The following ZNF135 variants were observed in gnomAD, a reference collection of about 807,000 sequenced individuals.
ZNF135 encodes zinc finger protein 135.
ZNF135 carries 11 observed loss-of-function variants against 12.3 expected under a neutral mutation model. The ratio of observed to expected loss-of-function variants is 0.89; its 90% CI spans 0.56 to 1.48. The LOEUF (loss-of-function observed/expected upper bound fraction) is 1.48, where lower values mean the gene tolerates loss of function less well. ZNF135 is among the 40% of genes most tolerant of loss of function. The pLI is 0.00. For synonymous variants in ZNF135, 316 were observed against 312.0 expected, an observed-to-expected ratio of 1.01 and a Z score of -0.14; for missense variants, 722 against 815.7, an observed-to-expected ratio of 0.89 and a Z score of 1.40.
chr19:58,062,549 AT>A (rs35708367), intron 3 of ZNF135, among the ~76,000 whole-genome samples: 63,180 of 143,390 alleles, frequency 0.44, 14,202 homozygotes, highest in African/African-American at 0.56. Context: ...CGCCTGGCTA[AT>A]TTTTTTTTTT....
rs1469861081 is a variant in ZNF135 at position 58,060,438 on chromosome 19, TTG to T, written c.33+406_33+407del. The T allele has an allele frequency of 2.7e-6, 3 of 1,123,340 alleles. No homozygotes were observed. In the East Asian group the frequency reaches 2.2e-4, roughly 81 times the overall value. 69.6% of individuals were successfully genotyped at this position (1,123,340 alleles called of 1,614,324 possible). On this transcript the variant is annotated intron_variant, in intron 2 of 4. Transcript: ENST00000313434. This position sits in a 1 kb window ranked among gnomAD's most constrained non-coding sequence, Gnocchi z 4.9. ...GTCCCTGTCTGAGTGGGCTTTATGT[TTG>T]TGCGGCCGTCATTGCATACCTGAGG...
Position 58,060,028 on chromosome 19 carries a change from C to G in ZNF135, c.26C>G (p.Thr9Arg), listed in dbSNP as rs1359115634. 1.9e-6 allele frequency: 3 copies of G among 1,613,520 alleles called. No individual in the cohort carries two copies. Among genetic ancestry groups the G allele is most frequent in the Non-Finnish European group, 2.5e-6 (3 of 1,179,868 alleles). The change falls in exon 2 of 5, where the codon ACA becomes AGA. Residue 9 changes from threonine to arginine, a missense_variant. Transcript: ENST00000313434. This position sits in a 1 kb window ranked among gnomAD's most constrained non-coding sequence, Gnocchi z 4.9. MTPGVRVSTDPEQVTFEDV... is the reference protein window; with the variant it reads MTPGVRVSRDPEQVTFEDV... The stretch of plus-strand genomic sequence containing the variant: ...ATGACCCCTGGGGTGCGCGTCTCCA[C>G]AGACCCGGTGAGAATCTCGGCCTCC...
At position 58,063,834 on chromosome 19, in the gene ZNF135, T is replaced by A. The variant is rs1162570680; in HGVS notation, c.256+293T>A. 1.0e-5 allele frequency: 5 copies of A among 478,748 alleles called. No homozygotes were observed. Among genetic ancestry groups the A allele is most frequent in the Non-Finnish European group, 1.4e-5 (5 of 367,288 alleles). 29.7% of individuals were successfully genotyped at this position (478,748 alleles called of 1,614,324 possible). ...ATGCCGAGAAAATGAAAATGAGCAA[T>A]GAGGTAGACTAGGAGGGGGATGAGT... On this transcript the variant is annotated intron_variant, in intron 4 of 4. Coordinates refer to ENST00000313434, the MANE Select transcript of ZNF135 (RefSeq NM_001289401.2). The surrounding 1 kb of genome is among the most constrained non-coding windows in gnomAD (Gnocchi z 4.4).
rs1337679130 is a variant in ZNF135 at position 58,063,624 on chromosome 19, C to A, written c.256+83C>A. The A allele has an allele frequency of 6.3e-7, 1 of 1,576,218 alleles. No homozygotes were observed. The highest frequency in any genetic ancestry group is 1.8e-5 in the Admixed American group (1 of 54,572). On this transcript the variant is annotated intron_variant, in intron 4 of 4. Coordinates refer to ENST00000313434, the MANE Select transcript of ZNF135 (RefSeq NM_001289401.2). This position sits in a 1 kb window ranked among gnomAD's most constrained non-coding sequence, Gnocchi z 4.4. ...CTCCCTCTGCATCTGCTCTCTAATTCTTCAGAGCAAATTTACTACTCAGTC... is the reference window on the plus strand; with the variant it reads ...CTCCCTCTGCATCTGCTCTCTAATTATTCAGAGCAAATTTACTACTCAGTC...
chr19:58,066,933 C>A lies in ZNF135; in HGVS notation c.449C>A (p.Thr150Lys). 1 of 1,614,160 alleles carries A rather than the reference C, an allele frequency of 6.2e-7. No homozygotes were observed. Among genetic ancestry groups the A allele is most frequent in the Non-Finnish European group, 8.5e-7 (1 of 1,180,028 alleles). The part of the protein sequence containing the change: ...LESLAVPVAF[T>K]PVKTPVLEQW... ...AGCCTGGCAGTGCCGGTGGCCTTCACGCCTGTGAAGACGCCTGTTCTGGAG... is the reference window on the plus strand; with the variant it reads ...AGCCTGGCAGTGCCGGTGGCCTTCAAGCCTGTGAAGACGCCTGTTCTGGAG... Residue 150 changes from threonine to lysine, a missense_variant, in exon 5 of 5, where the codon ACG (threonine) becomes AAG (lysine). Physicochemically the swap from Thr to Lys is moderately conservative, Grantham distance 78. Transcript: ENST00000313434.
Position 58,067,916 on chromosome 19 carries a change from A to C in ZNF135, c.1432A>C (p.Ser478Arg). The C allele has an allele frequency of 1.2e-6, 2 of 1,613,446 alleles. No individual in the cohort carries two copies. The highest frequency in any genetic ancestry group is 8.5e-7 in the Non-Finnish European group (1 of 1,179,894). ...TCAGTGTGGGAAGGCCTTCCGGCAG[A>C]GCACACACCTCACCCAACACCAGCG... is the stretch of plus-strand genomic sequence containing the variant. ...CSQCGKAFRQ[S>R]THLTQHQRIH... Residue 478 changes from serine (S) to arginine (R), a missense_variant, in exon 5 of 5, where the codon AGC becomes CGC. Transcript: ENST00000313434.
rs1428584439 is a variant in ZNF135, at chr19:58,067,692, C to T, written c.1208C>T (p.Thr403Ile). The T allele has an allele frequency of 1.2e-6, 2 of 1,612,440 alleles. No homozygotes were observed. The highest frequency in any genetic ancestry group is 2.2e-5 in the East Asian group (1 of 44,754). ...QITPLIQHQR[T>I]HTGEKPYECG... Reference sequence around the variant, plus strand: ...ACACCACTGATTCAGCACCAGAGGACCCACACAGGAGAAAAGCCCTATGAG... The same window carrying T: ...ACACCACTGATTCAGCACCAGAGGATCCACACAGGAGAAAAGCCCTATGAG... The change falls in exon 5 of 5, where the codon ACC (threonine) becomes ATC (isoleucine). Residue 403 changes from threonine to isoleucine, a missense_variant. Physicochemically the swap from Thr to Ile is moderately conservative, Grantham distance 89 (BLOSUM62 -1). Coordinates refer to ENST00000313434, the MANE Select transcript of ZNF135 (RefSeq NM_001289401.2).
rs757019887 is a variant in ZNF135, at chr19:58,067,981, C to T, written c.1497C>T (p.Cys499=). ...TGEKPYECND[C]GKAFSHSSSL... ...AGAAGCCCTATGAATGCAATGACTG[C>T]GGCAAGGCATTCAGTCACAGCTCGT... The change falls in exon 5 of 5, where the codon TGC becomes TGT. Residue 499 remains cysteine (C), a synonymous_variant. Coordinates refer to ENST00000313434, the MANE Select transcript of ZNF135 (RefSeq NM_001289401.2). 9.9e-6 allele frequency: 16 copies of T among 1,612,882 alleles called. No homozygotes were observed. The highest frequency in any genetic ancestry group is 8.0e-5 in the African/African-American group (6 of 74,580).
rs944986303 is a variant in ZNF135 at position 58,059,298 on chromosome 19, C to G, written c.-47C>G. 5 of 1,529,822 alleles carry G rather than the reference C, an allele frequency of 3.3e-6. No homozygotes were observed. Among genetic ancestry groups the G allele is most frequent in the Admixed American group, 1.8e-5 (1 of 55,744 alleles). 94.8% of individuals were successfully genotyped at this position (1,529,822 alleles called of 1,614,324 possible). On this transcript the variant is annotated 5_prime_UTR_variant, in exon 1 of 5. Coordinates refer to ENST00000313434, the MANE Select transcript of ZNF135 (RefSeq NM_001289401.2). The surrounding 1 kb of genome is among the most constrained non-coding windows in gnomAD (Gnocchi z 6.5). ...GCTGCCGGTGCCGCGGCCTTTGTCT[C>G]GCAGTCAGGAGGGTGAGCTAGGCCG...
At position 58,067,107 on chromosome 19, in the gene ZNF135, G is replaced by C. The variant is rs1489099638; in HGVS notation, c.623G>C (p.Cys208Ser). The change falls in exon 5 of 5, where the codon TGT becomes TCT. Residue 208 changes from cysteine (C) to serine (S), a missense_variant. Transcript: ENST00000313434. ...KPDLNVLQKT[C>S]VKEKPYKCQE... is the part of the protein sequence containing the mutation. ...GACCTAAATGTTTTACAGAAAACCT[G>C]TGTAAAAGAGAAACCCTACAAATGT... 6.2e-7 allele frequency: 1 copy of C among 1,614,218 alleles called. No individual in the cohort carries two copies. The highest frequency in any genetic ancestry group is 1.7e-5 in the Admixed American group (1 of 60,026).
rs557308498 is a variant in ZNF135 at position 58,067,010 on chromosome 19, C to A, written c.526C>A (p.Pro176Thr). The change falls in exon 5 of 5, where the codon CCA becomes ACA. Residue 176 changes from proline to threonine, a missense_variant. Physicochemically the swap from Pro to Thr is conservative, Grantham distance 38. Transcript: ENST00000313434. ...AAACATAAGTCTGAACCCTGATCTC[C>A]CACATCAACCAATGACTCCTGAAAG... Reference protein sequence around the residue: ...GENISLNPDLPHQPMTPERQS... With the variant: ...GENISLNPDLTHQPMTPERQS... 3.4e-5 allele frequency: 55 copies of A among 1,614,156 alleles called. 1 individual carries two copies. In the East Asian group the frequency reaches 1.2e-3, roughly 34 times the overall value.
chr19:58,059,947 G>C lies in ZNF135; in HGVS notation c.-34-22G>C, dbSNP rs926695680. 6.2e-7 allele frequency: 1 copy of C among 1,611,090 alleles called. No individual in the cohort carries two copies. Among genetic ancestry groups the C allele is most frequent in the Non-Finnish European group, 8.5e-7 (1 of 1,179,248 alleles). ...AGCACCGCCTCTGCCTGCCCCAGCT[G>C]CTCACCTCCCCTTTCCCACAGAGCA... On this transcript the variant is annotated intron_variant, in intron 1 of 4. Coordinates refer to ENST00000313434, the MANE Select transcript of ZNF135 (RefSeq NM_001289401.2). This position sits in a 1 kb window ranked among gnomAD's most constrained non-coding sequence, Gnocchi z 6.5.
intron 4 of ZNF135, among the ~76,000 whole-genome samples, chr19:58,064,106 C>T (rs2074028452): frequency 6.6e-6 from 1 of 152,184 alleles, no homozygotes; most frequent in East Asian, 1.9e-4. Context: ...GGCCCTACGC[C>T]ATGTGCCTGT....
Position 58,059,570 on chromosome 19 carries a change from T to C in ZNF135, c.-35+260T>C, listed in dbSNP as rs2073931612. 6.6e-6 allele frequency among the ~76,000 whole-genome samples: 1 copy of C among 151,952 alleles called. No individual in the cohort carries two copies. The highest frequency in any genetic ancestry group is 6.5e-5 in the Admixed American group (1 of 15,282). ...GGACAGGAGCTGCTCCGACGGCCCC[T>C]GAGGGAACGCGCGCCCCGCCCCTGG... On this transcript the variant is annotated intron_variant, in intron 1 of 4. Coordinates refer to ENST00000313434, the MANE Select transcript of ZNF135 (RefSeq NM_001289401.2). This position sits in a 1 kb window ranked among gnomAD's most constrained non-coding sequence, Gnocchi z 6.5.
chr19:58,068,045 C>T lies in ZNF135; in HGVS notation c.1561C>T (p.Pro521Ser). Residue 521 changes from proline (P) to serine (S), a missense_variant, in exon 5 of 5, where the codon CCC becomes TCC. Coordinates refer to ENST00000313434, the MANE Select transcript of ZNF135 (RefSeq NM_001289401.2). ...KHQRIHTGEK[P>S]YECNQCGRAF... ...TCAGCGAATCCACACTGGGGAGAAG[C>T]CCTACGAATGCAACCAGTGTGGCAG... 1 of 1,614,200 alleles carries T rather than the reference C, an allele frequency of 6.2e-7. No homozygotes were observed. The highest frequency in any genetic ancestry group is 8.5e-7 in the Non-Finnish European group (1 of 1,180,030).
rs2074047433 is a variant in ZNF135 at position 58,065,372 on chromosome 19, T to G, written c.257-1369T>G. ...CCATGCCCAGCTAATTTTTTTTTAT[T>G]TTTTGTAGAAACAAGGTCTCATCAT... On this transcript the variant is annotated intron_variant, in intron 4 of 4. Coordinates refer to ENST00000313434, the MANE Select transcript of ZNF135 (RefSeq NM_001289401.2). The surrounding 1 kb of genome is among the most constrained non-coding windows in gnomAD (Gnocchi z 4.0). Among the ~76,000 whole-genome samples, 1 of 152,156 alleles carries G rather than the reference T, an allele frequency of 6.6e-6. No individual in the cohort carries two copies. Among genetic ancestry groups the G allele is most frequent in the South Asian group, 2.1e-4 (1 of 4,826 alleles).
intron 4 of ZNF135, among the ~76,000 whole-genome samples, chr19:58,064,532 T>C (rs2074035011): frequency 6.6e-6 from 1 of 152,160 alleles, no homozygotes; most frequent in South Asian, 2.1e-4. Context: ...TTTTTTTAAA[T>C]AGCTTTTTCT....
Position 58,067,004 on chromosome 19 carries a change from G to A in ZNF135, c.520G>A (p.Asp174Asn). The change falls in exon 5 of 5, where the codon GAT becomes AAT. Residue 174 changes from aspartate (D) to asparagine (N), a missense_variant. Physicochemically the swap from Asp to Asn is conservative, Grantham distance 23. Coordinates refer to ENST00000313434, the MANE Select transcript of ZNF135 (RefSeq NM_001289401.2). ...GFGENISLNP[D>N]LPHQPMTPER... ...TGGGGAAAACATAAGTCTGAACCCT[G>A]ATCTCCCACATCAACCAATGACTCC... 6.2e-7 allele frequency: 1 copy of A among 1,614,140 alleles called. No individual in the cohort carries two copies. Among genetic ancestry groups the A allele is most frequent in the Non-Finnish European group, 8.5e-7 (1 of 1,180,038 alleles).
chr19:58,060,187 C>T lies in ZNF135; in HGVS notation c.33+152C>T. On this transcript the variant is annotated intron_variant, in intron 2 of 4. Coordinates refer to ENST00000313434, the MANE Select transcript of ZNF135 (RefSeq NM_001289401.2). This position sits in a 1 kb window ranked among gnomAD's most constrained non-coding sequence, Gnocchi z 4.9. ...CGGCCCCTACTTGCGTGCCCGGCCC[C>T]TACTCGTGCCCGGCCTCTACTCGCA... 2 of 1,509,376 alleles carry T rather than the reference C, an allele frequency of 1.3e-6. No individual in the cohort carries two copies. The highest frequency in any genetic ancestry group is 1.8e-6 in the Non-Finnish European group (2 of 1,132,466). The allele number at this position is 1,509,376 out of a possible 1,614,324, so 93.5% of individuals were successfully genotyped here.
Sources: allele counts gnomAD v4.1 joint callset (sites outside exome capture counted in the v4.1 genomes callset), GRCh38; gene constraint gnomAD v4.1.1; non-coding constraint Gnocchi (gnomAD v3.1); transcripts MANE v1.5; gene names NCBI Gene and HGNC (gene_info 2026-07-23, HGNC 2026-07-21).